PRKAR2B: variants seen among roughly 807,000 people sequenced by gnomAD.
The protein encoded by PRKAR2B is protein kinase cAMP-dependent type II regulatory subunit beta.
Under a neutral mutation model 49.9 loss-of-function variants are expected in PRKAR2B, and 14 were observed. The observed-to-expected ratio is 0.28, with a 90% confidence interval of 0.19 to 0.44. The LOEUF (loss-of-function observed/expected upper bound fraction) is 0.44. Among genes scored for constraint, PRKAR2B ranks in the 20% least tolerant of loss-of-function variants. The pLI is 1.00. For synonymous variants in PRKAR2B, 196 were observed against 197.7 expected, an observed-to-expected ratio of 0.99 and a Z score of 0.07; for missense variants, 393 against 537.9, an observed-to-expected ratio of 0.73 and a Z score of 2.67.
rs558410537 is a variant in PRKAR2B, at chr7:107,095,496, C to G, written c.343+25180C>G. On this transcript the variant is annotated intron_variant, in intron 2 of 10. Transcript: ENST00000265717. The stretch of plus-strand genomic sequence containing the variant: ...TTTCCTAATTGAATACCCTTTATTT[C>G]TTTCTCCTGCCTGATTGCCCTGGCC... Among the ~76,000 whole-genome samples the G allele has an allele frequency of 2.0e-5, 3 of 152,300 alleles. No homozygotes were observed. In the East Asian group the frequency reaches 5.8e-4, roughly 29 times the overall value.
intron 5 of PRKAR2B, among the ~76,000 whole-genome samples, chr7:107,142,497 T>TG (rs1795806044): frequency 6.6e-6 from 1 of 152,212 alleles, no homozygotes; most frequent in South Asian, 2.1e-4. Context: ...AACCATTTAG[T>TG]GGGGATTTTT....
chr7:107,070,256 C>T (rs201718858), intron 1 of PRKAR2B, 25 bp from the exon 2 acceptor site: 156 of 1,584,554 alleles, frequency 9.8e-5, no homozygotes, highest in Middle Eastern at 6.7e-4. Flanking sequence ...TTAATCTAAT[C>T]ATATTATTCT....
intron 6 of PRKAR2B, among the ~76,000 whole-genome samples, chr7:107,150,260 A>G (rs756969247): frequency 9.9e-5 from 15 of 152,174 alleles, no homozygotes; most frequent in African/African-American, 3.4e-4. Flanking sequence ...TGAGGGCATG[A>G]TAGTATAAAC....
chr7:107,071,752 A>G (rs1794281381), intron 2 of PRKAR2B, among the ~76,000 whole-genome samples: 1 of 152,194 alleles, frequency 6.6e-6, no homozygotes, highest in South Asian at 2.1e-4. Context: ...GGCACGTTCC[A>G]TTAGTATTTG....
intron 2 of PRKAR2B, among the ~76,000 whole-genome samples, chr7:107,112,507 A>G (rs1225957415): frequency 6.6e-6 from 1 of 152,146 alleles, no homozygotes. Flanking sequence ...ACTGATTCCT[A>G]TGCAGCCACT....
At chr7:107,153,707 T>A (rs889065103) in intron 8 of PRKAR2B, among the ~76,000 whole-genome samples, 3 of 152,212 alleles carry the variant, frequency 2.0e-5, no homozygotes, top group Admixed American at 6.5e-5. Flanking sequence ...GTCAACATGT[T>A]ATTTAATCCC....
intron 2 of PRKAR2B, among the ~76,000 whole-genome samples, chr7:107,072,396 G>A (rs1319598260): frequency 6.6e-6 from 1 of 152,080 alleles, no homozygotes; most frequent in African/African-American, 2.4e-5. Context: ...AATTTATGGA[G>A]TACCACTGAT....
intron 2 of PRKAR2B, among the ~76,000 whole-genome samples, chr7:107,088,230 A>G (rs570102769): frequency 6.6e-6 from 1 of 152,276 alleles, no homozygotes; most frequent in African/African-American, 2.4e-5. Context: ...ATGGTCTTTC[A>G]TAGGGGCGGA....
At chr7:107,111,640 C>T (rs563152132) in intron 2 of PRKAR2B, among the ~76,000 whole-genome samples, 5 of 152,204 alleles carry the variant, frequency 3.3e-5, no homozygotes, top group South Asian at 2.1e-4. Flanking sequence ...TTTTAAATGA[C>T]TACATAGATA....
In PRKAR2B at chr7:107,156,997, AT is replaced by A. The variant is rs776513547; in HGVS notation, c.934del (p.Ser312LeufsTer5). 1 of 1,611,398 alleles carries A rather than the reference AT, an allele frequency of 6.2e-7. No homozygotes were observed. Among genetic ancestry groups the A allele is most frequent in the Non-Finnish European group, 8.5e-7 (1 of 1,177,608 alleles). ...EQIIAQGDSA[D>X]SFFIVESGEV... ...TGATTCCAATAGGGAGATTCGGCTG[AT>A]TCTTTTTTCATTGTAGAATCTGGAG... On this transcript the variant is annotated frameshift_variant, in exon 9 of 11. Transcript: ENST00000265717. LOFTEE classifies it high-confidence loss of function.
At chr7:107,114,797 G>C (rs1795241485) in intron 2 of PRKAR2B, among the ~76,000 whole-genome samples, 2 of 152,046 alleles carry the variant, frequency 1.3e-5, no homozygotes, top group South Asian at 4.1e-4. Flanking sequence ...TGAACTTGAT[G>C]TTTACTTGTG....
In PRKAR2B at chr7:107,128,558, A is replaced by G. The variant is rs144263458; in HGVS notation, c.480+263A>G. On this transcript the variant is annotated intron_variant, in intron 4 of 10. Transcript: ENST00000265717. Reference sequence around the variant, plus strand: ...TGTGGAAGATATTCTCTCATCTCTCAAGATGTTATCTCAGGGCTACAAAAA... The same window carrying G: ...TGTGGAAGATATTCTCTCATCTCTCGAGATGTTATCTCAGGGCTACAAAAA... Among the ~76,000 whole-genome samples, 1,483 of 152,254 alleles carry G rather than the reference A, an allele frequency of 9.7e-3. 21 individuals are homozygous for G. Among genetic ancestry groups the G allele is most frequent in the African/African-American group, 0.034 (1,424 of 41,544 alleles).
intron 1 of PRKAR2B, among the ~76,000 whole-genome samples, chr7:107,051,672 A>G (rs1006970382): frequency 6.6e-6 from 1 of 152,188 alleles, no homozygotes; most frequent in African/African-American, 2.4e-5. Context: ...TCAGAACTAT[A>G]AACAGTTGGT....
At position 107,150,916 on chromosome 7, in the gene PRKAR2B, C is replaced by G; in HGVS notation, c.742-6C>G. ...AAAATTTACCCTTTAACTGTTCTGC[C>G]TGTAGGACAGGGTAACCTTCAGGAG... On this transcript the variant is annotated splice_polypyrimidine_tract_variant and splice_region_variant and intron_variant, in intron 6 of 10. Transcript: ENST00000265717. 6.5e-7 allele frequency: 1 copy of G among 1,546,706 alleles called. No individual in the cohort carries two copies. The highest frequency in any genetic ancestry group is 1.2e-5 in the South Asian group (1 of 85,764).
At chr7:107,105,109 GT>G (rs568076133) in intron 2 of PRKAR2B, among the ~76,000 whole-genome samples, 1 of 152,094 alleles carries the variant, frequency 6.6e-6, no homozygotes, top group African/African-American at 2.4e-5. Flanking sequence ...AAAAATTATT[GT>G]TTTTTTCCGT....
intron 2 of PRKAR2B, among the ~76,000 whole-genome samples, chr7:107,111,020 C>T (rs564071633): frequency 6.6e-6 from 1 of 152,208 alleles, no homozygotes; most frequent in Admixed American, 6.5e-5. Flanking sequence ...TGGACTTGCC[C>T]TAGGCCAGAG....
intron 1 of PRKAR2B, among the ~76,000 whole-genome samples, chr7:107,063,694 G>T (rs942506306): frequency 6.6e-6 from 1 of 152,088 alleles, no homozygotes; most frequent in African/African-American, 2.4e-5. Flanking sequence ...TTCTATAACC[G>T]TACTCTTATT....
intron 8 of PRKAR2B, among the ~76,000 whole-genome samples, chr7:107,155,087 A>G (rs1193464445): frequency 6.6e-6 from 1 of 152,188 alleles, no homozygotes; most frequent in Non-Finnish European, 1.5e-5. Context: ...CCTCAGGAGC[A>G]CAGGATCCGC....
intron 2 of PRKAR2B, among the ~76,000 whole-genome samples, chr7:107,075,107 A>T (rs906768466): frequency 1.3e-4 from 19 of 144,508 alleles, no homozygotes; most frequent in Non-Finnish European, 2.1e-4. Context: ...TTATTTTTAA[A>T]TTTTTTTTTT....
Sources: gnomAD v4.1 joint callset for allele counts (sites outside exome capture counted in the v4.1 genomes callset) on GRCh38, gnomAD v4.1.1 for gene constraint, MANE v1.5 for transcripts, NCBI Gene and HGNC (gene_info 2026-07-23, HGNC 2026-07-21) for gene names.